Variants in SORCS3 observed in about 807,000 individuals in gnomAD.
SORCS3 encodes the protein sortilin related VPS10 domain containing receptor 3.
SORCS3 carries 57 observed loss-of-function variants against 146.3 expected under a neutral mutation model. The ratio of observed to expected loss-of-function variants is 0.39; its 90% CI spans 0.31 to 0.49. The LOEUF is 0.49. Among genes scored for constraint, SORCS3 ranks in the 20% least tolerant of loss-of-function variants. The pLI is 0.92. For synonymous variants in SORCS3, 653 were observed against 618.5 expected, an observed-to-expected ratio of 1.06 and a Z score of -0.83; for missense variants, 1,341 against 1,575.5, an observed-to-expected ratio of 0.85 and a Z score of 2.52.
rs1310514418 is a variant in SORCS3 at position 105,264,266 on chromosome 10, G to C, written c.*892G>C. 2.0e-5 allele frequency: 3 copies of C among 152,144 alleles called. No individual in the cohort carries two copies. Among genetic ancestry groups the C allele is most frequent in the Non-Finnish European group, 4.4e-5 (3 of 68,036 alleles). The allele number at this position is 152,144 out of a possible 1,614,324, so 9.4% of individuals were successfully genotyped here. On this transcript the variant is annotated 3_prime_UTR_variant, in exon 27 of 27. Transcript: ENST00000369701. ...AAAGGTGAAGAAGAGGCCCACTAGA[G>C]GCTTCATACTGAGACCCAGATGGGG...
At chr10:105,127,738 G>T (rs1174222646) in intron 7 of SORCS3, among the ~76,000 whole-genome samples, 1 of 152,080 alleles carries the variant, frequency 6.6e-6, no homozygotes, top group Non-Finnish European at 1.5e-5. Context: ...ACAACAGCTG[G>T]TAAGTGCAAC....
chr10:104,836,692 C>T (rs2018071700), intron 1 of SORCS3, among the ~76,000 whole-genome samples: 1 of 152,148 alleles, frequency 6.6e-6, no homozygotes, highest in Non-Finnish European at 1.5e-5. Context: ...TCCCACTCTC[C>T]TTCTTGCACC....
At chr10:104,735,765 G>A (rs2016764144) in intron 1 of SORCS3, among the ~76,000 whole-genome samples, 1 of 152,002 alleles carries the variant, frequency 6.6e-6, no homozygotes, top group South Asian at 2.1e-4. Flanking sequence ...TTTGGGATAC[G>A]GTTATGACCT....
intron 6 of SORCS3, among the ~76,000 whole-genome samples, chr10:105,095,903 AT>A (rs1258325249): frequency 2.6e-5 from 4 of 152,312 alleles, no homozygotes; most frequent in African/African-American, 9.6e-5. Flanking sequence ...AGATCTGCTC[AT>A]GAAACATCAA....
intron 3 of SORCS3, among the ~76,000 whole-genome samples, chr10:104,956,230 T>A (rs1034131358): frequency 1.3e-5 from 2 of 152,108 alleles, no homozygotes; most frequent in Non-Finnish European, 2.9e-5. Context: ...GACTAAAGAG[T>A]TGGCTCTCTA....
At chr10:104,758,760 T>C (rs2017087751) in intron 1 of SORCS3, among the ~76,000 whole-genome samples, 1 of 152,166 alleles carries the variant, frequency 6.6e-6, no homozygotes, top group Admixed American at 6.5e-5. Context: ...ATCTCTCTTT[T>C]AGTCCTTCTC....
intron 2 of SORCS3, among the ~76,000 whole-genome samples, chr10:104,874,043 T>C (rs1164906210): frequency 6.6e-6 from 1 of 152,178 alleles, no homozygotes; most frequent in Non-Finnish European, 1.5e-5. Flanking sequence ...CCATTAAAAA[T>C]TCACTGCCAT....
intron 16 of SORCS3, among the ~76,000 whole-genome samples, chr10:105,202,057 C>A (rs1227075738): frequency 6.6e-6 from 1 of 152,130 alleles, no homozygotes; most frequent in Non-Finnish European, 1.5e-5. Flanking sequence ...TAAGTCAAAT[C>A]ACTTCTTTCC....
chr10:104,738,393 C>T (rs1009099148), intron 1 of SORCS3, among the ~76,000 whole-genome samples: 2 of 152,192 alleles, frequency 1.3e-5, no homozygotes, highest in African/African-American at 4.8e-5. Flanking sequence ...AGGCACTTTC[C>T]AGAAACAGGT....
intron 2 of SORCS3, among the ~76,000 whole-genome samples, chr10:104,895,964 T>C (rs560611104): frequency 5.9e-5 from 9 of 152,354 alleles, no homozygotes; most frequent in South Asian, 4.1e-4. Flanking sequence ...AAGCATAGAT[T>C]TGTAACTTCA....
rs1381694654 is a variant in SORCS3, at chr10:105,143,971, CT to C, written c.1303-3644del. Among the ~76,000 whole-genome samples the C allele has an allele frequency of 1.3e-5, 2 of 152,118 alleles. 1 individual carries two copies. The highest frequency in any genetic ancestry group is 2.9e-5 in the Non-Finnish European group (2 of 68,024). On this transcript the variant is annotated intron_variant, in intron 8 of 26. Transcript: ENST00000369701. ...GCCTCTAGCATTGCCCCTCTTAAGT[CT>C]TCTCTTCACAATGCTTCCGCAATTA...
intron 1 of SORCS3, among the ~76,000 whole-genome samples, chr10:104,667,001 GAGAGAGAGAGGAGAGAGA>G (rs1487904410): frequency 3.9e-5 from 6 of 152,256 alleles, no homozygotes; most frequent in Admixed American, 3.9e-4. Flanking sequence ...TTGGGAGAGA[GAGAGAGAGAGGAGAGAGA>G]AGAGAGAGAA....
At chr10:104,733,463 C>G (rs904961825) in intron 1 of SORCS3, among the ~76,000 whole-genome samples, 8 of 151,982 alleles carry the variant, frequency 5.3e-5, no homozygotes, top group Non-Finnish European at 1.2e-4. Flanking sequence ...GGTCTTCCTG[C>G]CACAGCATCC....
intron 23 of SORCS3, among the ~76,000 whole-genome samples, chr10:105,253,704 C>T (rs2056913994): frequency 6.6e-6 from 1 of 152,162 alleles, no homozygotes; most frequent in South Asian, 2.1e-4. Context: ...ATTGTACAGA[C>T]ATATTTTGTG....
intron 2 of SORCS3, among the ~76,000 whole-genome samples, chr10:104,890,760 T>C (rs1217561610): frequency 1.3e-5 from 2 of 152,206 alleles, no homozygotes; most frequent in East Asian, 1.9e-4. Context: ...CTGTGCATCA[T>C]AGGATATTTA....
intron 1 of SORCS3, among the ~76,000 whole-genome samples, chr10:104,741,626 G>T: frequency 8.4e-6 from 1 of 118,446 alleles, no homozygotes; most frequent in Non-Finnish European, 1.7e-5. Context: ...TTTTCTCTCT[G>T]TTGCTCAGAA....
At chr10:105,062,341 C>T (rs2055493513) in intron 5 of SORCS3, among the ~76,000 whole-genome samples, 1 of 152,170 alleles carries the variant, frequency 6.6e-6, no homozygotes, top group Non-Finnish European at 1.5e-5. Context: ...CCCAGGGCCT[C>T]AGTTTCTTCA....
At chr10:104,974,966 G>T (rs2133646950) in intron 3 of SORCS3, among the ~76,000 whole-genome samples, 1 of 152,176 alleles carries the variant, frequency 6.6e-6, no homozygotes, top group South Asian at 2.1e-4. Flanking sequence ...GCTTAGTTTG[G>T]CTGGATATGA....
intron 2 of SORCS3, among the ~76,000 whole-genome samples, chr10:104,887,243 G>A (rs1381207773): frequency 6.6e-6 from 1 of 152,194 alleles, no homozygotes; most frequent in Non-Finnish European, 1.5e-5. Context: ...TGGTTGGGAA[G>A]ACTTTTTGGG....
Sources: allele counts gnomAD v4.1 joint callset (sites outside exome capture counted in the v4.1 genomes callset), GRCh38; gene constraint gnomAD v4.1.1; transcripts MANE v1.5; gene names NCBI Gene and HGNC (gene_info 2026-07-23, HGNC 2026-07-21).